INPP5F: variants seen among roughly 807,000 people sequenced by gnomAD.
The protein encoded by INPP5F is phosphatidylinositide 4-phosphatase SAC2.
A neutral mutation model predicts 137.2 loss-of-function variants in INPP5F; 97 were observed. That is an observed-to-expected ratio of 0.71 (90% CI 0.60 to 0.84). The LOEUF is 0.84. Ranked by LOEUF, INPP5F falls within the 40% of genes least tolerant of loss-of-function variation. The pLI, the probability that INPP5F is intolerant of heterozygous loss-of-function variation, is 0.00. For missense variants in INPP5F, 1,271 were observed against 1,371.9 expected (o/e 0.93, Z 1.16); for synonymous variants, 504 against 476.9 (o/e 1.06, Z -0.74).
chr10:119,823,932 G>C lies in INPP5F; in HGVS notation c.2249+30G>C, dbSNP rs756534164. 6 of 1,493,512 alleles carry C rather than the reference G, an allele frequency of 4.0e-6. No homozygotes were observed. The South Asian group carries it at 6.9e-5, about 17-fold the overall frequency. The allele number at this position is 1,493,512 out of a possible 1,614,324, so 92.5% of individuals were successfully genotyped here. A position where few individuals can be genotyped will look rare whatever the true frequency, so the allele number is the denominator to read the frequency against. On this transcript the variant is annotated intron_variant, in intron 19 of 19. Transcript: ENST00000650623. ...GTATACTGCTTCTCTCAAGAATAAA[G>C]GCATTCTTATCCAAGGTCTTATTTG... is the stretch of plus-strand genomic sequence containing the variant.
At chr10:119,802,457 C>A (rs1318806030) in intron 9 of INPP5F, among the ~76,000 whole-genome samples, 6 of 152,164 alleles carry the variant, frequency 3.9e-5, no homozygotes. Context: ...AAAAAGCCAC[C>A]TTGACACATG....
In INPP5F at chr10:119,796,884, T is replaced by C. The variant is rs759996227; in HGVS notation, c.839T>C (p.Leu280Pro). Residue 280 changes from leucine (L) to proline (P), a missense_variant, in exon 7 of 20, where the codon CTC (leucine) becomes CCC (proline). By Grantham distance (98) the Leu-to-Pro change is moderately conservative. Coordinates refer to ENST00000650623, the MANE Select transcript of INPP5F (RefSeq NM_014937.4). ...ATTCACCCACGATTTCTAGTGGCTC[T>C]CATTTCACGCCGAAGTAGGCACAGA... ...DDIHPRFLVA[L>P]ISRRSRHRAG... is the part of the protein sequence containing the mutation. 1 of 1,614,110 alleles carries C rather than the reference T, an allele frequency of 6.2e-7. No homozygotes were observed. Among genetic ancestry groups the C allele is most frequent in the Non-Finnish European group, 8.5e-7 (1 of 1,179,978 alleles).
intron 2 of INPP5F, among the ~76,000 whole-genome samples, chr10:119,771,489 C>T (rs1018373372): frequency 2.0e-5 from 3 of 152,036 alleles, no homozygotes; most frequent in Admixed American, 6.6e-5. Flanking sequence ...TCCCTCACTC[C>T]TCTGTCCCTA....
intron 16 of INPP5F, 32 bp downstream of exon 16, chr10:119,820,949 TTTG>T (rs772408018): frequency 7.8e-6 from 11 of 1,415,326 alleles, no homozygotes; most frequent in Non-Finnish European, 1.1e-5. Flanking sequence ...AGGTTTTGAT[TTTG>T]TTTTTTAAAC....
intron 13 of INPP5F, among the ~76,000 whole-genome samples, chr10:119,809,434 T>C (rs2134253108): frequency 6.6e-6 from 1 of 152,286 alleles, no homozygotes; most frequent in African/African-American, 2.4e-5. Flanking sequence ...CTGAGATTTC[T>C]GAGATTGCCT....
chr10:119,821,199 G>A (rs946497649), intron 16 of INPP5F, among the ~76,000 whole-genome samples: 47 of 152,082 alleles, frequency 3.1e-4, no homozygotes, highest in African/African-American at 1.1e-3. Context: ...AGGTTTTGAT[G>A]TATTCCATAC....
intron 2 of INPP5F, among the ~76,000 whole-genome samples, chr10:119,761,222 C>T (rs1352314576): frequency 6.6e-6 from 1 of 152,088 alleles, no homozygotes; most frequent in Non-Finnish European, 1.5e-5. Flanking sequence ...GAAATAGAGC[C>T]TATTAAAAAT....
At chr10:119,826,548 A>T (rs1851767364) in intron 19 of INPP5F, 83 bp from the exon 20 acceptor site, 1 of 1,123,748 alleles carries the variant, frequency 8.9e-7, no homozygotes, top group Admixed American at 2.4e-5. Flanking sequence ...CAATTTGAAT[A>T]ACTGTTTTCA....
intron 12 of INPP5F, 93 bp downstream of exon 12, chr10:119,806,573 A>T (rs981561295): frequency 2.0e-4 from 240 of 1,199,688 alleles, no homozygotes; most frequent in Non-Finnish European, 2.6e-4. Flanking sequence ...TCAAATGTCA[A>T]ATATTCTTTA....
At chr10:119,769,860 T>C (rs940184763) in intron 2 of INPP5F, among the ~76,000 whole-genome samples, 20 of 152,202 alleles carry the variant, frequency 1.3e-4, no homozygotes, top group Admixed American at 1.2e-3. Context: ...AGATGGCAGA[T>C]TGTGGGACTT....
intron 1 of INPP5F, among the ~76,000 whole-genome samples, chr10:119,745,433 G>T (rs1848502160): frequency 6.6e-6 from 1 of 151,204 alleles, no homozygotes; most frequent in Non-Finnish European, 1.5e-5. Flanking sequence ...ACCCAAGTGG[G>T]TTTCTTACTC....
At chr10:119,819,420 G>A in intron 15 of INPP5F, 2 of 1,480,238 alleles carry the variant, frequency 1.4e-6, no homozygotes, top group Non-Finnish European at 1.8e-6. Flanking sequence ...AAATATTAAT[G>A]CCAAAATAGG....
chr10:119,731,842 T>C (rs1848077624), intron 1 of INPP5F, among the ~76,000 whole-genome samples: 1 of 152,204 alleles, frequency 6.6e-6, no homozygotes, highest in Non-Finnish European at 1.5e-5. Flanking sequence ...TAGTTTTATA[T>C]CTTATACTAC....
chr10:119,747,529 A>T (rs1174628721), intron 1 of INPP5F, among the ~76,000 whole-genome samples: 1 of 152,242 alleles, frequency 6.6e-6, no homozygotes, highest in Admixed American at 6.5e-5. Context: ...TTGCTTTAAA[A>T]AAAAATTTTT....
chr10:119,803,640 G>A (rs1850668806), intron 9 of INPP5F, among the ~76,000 whole-genome samples: 3 of 152,262 alleles, frequency 2.0e-5, no homozygotes, highest in African/African-American at 4.8e-5. Flanking sequence ...GAGTTGTTAA[G>A]TTCATTAACA....
chr10:119,788,374 G>C (rs1213750504), intron 3 of INPP5F, among the ~76,000 whole-genome samples: 1 of 152,152 alleles, frequency 6.6e-6, no homozygotes, highest in Non-Finnish European at 1.5e-5. Flanking sequence ...GTTAAGGGTA[G>C]AACACTGGGA....
intron 1 of INPP5F, among the ~76,000 whole-genome samples, chr10:119,749,323 G>A (rs867843568): frequency 2.0e-5 from 3 of 152,252 alleles, no homozygotes; most frequent in Non-Finnish European, 2.9e-5. Flanking sequence ...CATGGAGGGC[G>A]CAGCCCTGGC....
rs576152272 is a variant in INPP5F, at chr10:119,770,974, C to T, written c.179-10661C>T. Reference sequence around the variant, plus strand: ...TTAATTTACATACCATAAAATTAACCCTTTTAAAGTGTGCAGTTAAGTGGT... The same window carrying T: ...TTAATTTACATACCATAAAATTAACTCTTTTAAAGTGTGCAGTTAAGTGGT... On this transcript the variant is annotated intron_variant, in intron 2 of 19. Transcript: ENST00000650623. 3.4e-4 allele frequency among the ~76,000 whole-genome samples: 51 copies of T among 151,936 alleles called. No individual in the cohort carries two copies. In the South Asian group the frequency reaches 0.01, roughly 30 times the overall value.
At chr10:119,770,007 C>T (rs960608420) in intron 2 of INPP5F, among the ~76,000 whole-genome samples, 2 of 152,048 alleles carry the variant, frequency 1.3e-5, no homozygotes, top group Non-Finnish European at 2.9e-5. Flanking sequence ...AAATCTTTAT[C>T]CTACAGTTGC....
Sources: gnomAD v4.1 joint callset for allele counts (sites outside exome capture counted in the v4.1 genomes callset) on GRCh38, gnomAD v4.1.1 for gene constraint, MANE v1.5 for transcripts, NCBI Gene and HGNC (gene_info 2026-07-23, HGNC 2026-07-21) for gene names.